OPCML: variants seen among roughly 807,000 people sequenced by gnomAD.
The protein encoded by OPCML is opioid-binding protein/cell adhesion molecule.
A neutral mutation model predicts 37.8 loss-of-function variants in OPCML; 13 were observed. The observed-to-expected ratio is 0.34, with a 90% CI of 0.22 to 0.55. The LOEUF is 0.55. OPCML is among the 20% of genes least tolerant of loss of function. OPCML has a pLI of 0.91. For synonymous variants in OPCML, 176 were observed against 168.8 expected (o/e 1.04, Z -0.33); for missense variants, 341 against 435.6 (o/e 0.78, Z 1.93).
In OPCML at chr11:132,417,285, T is replaced by C. The variant is rs1164649280; in HGVS notation, c.*2908A>G. ...TGACAGCCACTCTCCCATGAAGCCATCCCCACCAAAGAAACACAAAAACAC... is the reference window on the plus strand; with the variant it reads ...TGACAGCCACTCTCCCATGAAGCCACCCCCACCAAAGAAACACAAAAACAC... On this transcript the variant is annotated 3_prime_UTR_variant, in exon 8 of 8. Coordinates refer to ENST00000524381, the MANE Select transcript of OPCML (RefSeq NM_001012393.5). The C allele has an allele frequency of 6.6e-6, 1 of 152,180 alleles. No homozygotes were observed. Among genetic ancestry groups the C allele is most frequent in the African/African-American group, 2.4e-5 (1 of 41,432 alleles). The allele number at this position is 152,180 out of a possible 1,614,324, so 9.4% of individuals were successfully genotyped here. A position where few individuals can be genotyped will look rare whatever the true frequency, so the allele number is the denominator to read the frequency against.
intron 1 of OPCML, among the ~76,000 whole-genome samples, chr11:133,280,429 T>C (rs538803431): frequency 6.6e-6 from 1 of 152,312 alleles, no homozygotes; most frequent in African/African-American, 2.4e-5. Context: ...AGATCTTCTG[T>C]CACCTCAGCT....
chr11:132,935,749 A>G (rs1406929099), intron 2 of OPCML, among the ~76,000 whole-genome samples: 1 of 152,198 alleles, frequency 6.6e-6, no homozygotes, highest in Non-Finnish European at 1.5e-5. Context: ...TAAAATGTGA[A>G]TACAAGGATG....
At chr11:133,054,195 C>CT (rs1948181024) in intron 1 of OPCML, among the ~76,000 whole-genome samples, 1 of 151,954 alleles carries the variant, frequency 6.6e-6, no homozygotes, top group Non-Finnish European at 1.5e-5. Flanking sequence ...ACTGGCCCTG[C>CT]TCTCATCATG....
intron 3 of OPCML, among the ~76,000 whole-genome samples, chr11:132,647,756 T>A (rs1476030209): frequency 6.6e-6 from 1 of 152,104 alleles, no homozygotes; most frequent in African/African-American, 2.4e-5. Context: ...CACATATAAG[T>A]GGAACTGCAT....
rs547755963 is a variant in OPCML at position 133,478,883 on chromosome 11, C to A, written c.61+53381G>T. Among the ~76,000 whole-genome samples the A allele has an allele frequency of 1.5e-3, 228 of 151,896 alleles. 1 individual carries two copies. Among genetic ancestry groups the A allele is most frequent in the Middle Eastern group, 6.8e-3 (2 of 294 alleles). ...TGCTACTCACCCTGGAGCTGTGGCACCTGAGGCACCAGAGTTAAATAAAGA... is the reference window on the plus strand; with the variant it reads ...TGCTACTCACCCTGGAGCTGTGGCAACTGAGGCACCAGAGTTAAATAAAGA... On this transcript the variant is annotated intron_variant, in intron 1 of 7. Coordinates refer to ENST00000524381, the MANE Select transcript of OPCML (RefSeq NM_001012393.5).
At chr11:133,448,118 A>G (rs956067630) in intron 1 of OPCML, among the ~76,000 whole-genome samples, 78 of 152,204 alleles carry the variant, frequency 5.1e-4, no homozygotes, top group African/African-American at 1.8e-3. Flanking sequence ...GCATAACCCA[A>G]GATCACAAAG....
At chr11:132,905,819 G>A (rs1262305818) in intron 2 of OPCML, among the ~76,000 whole-genome samples, 2 of 152,030 alleles carry the variant, frequency 1.3e-5, no homozygotes, top group Non-Finnish European at 2.9e-5. Context: ...CTGTATAATG[G>A]GAATAATACC....
intron 1 of OPCML, among the ~76,000 whole-genome samples, chr11:133,052,715 C>G (rs561593297): frequency 3.1e-4 from 47 of 152,264 alleles, no homozygotes; most frequent in African/African-American, 1.1e-3. Flanking sequence ...TGGCCAAAGT[C>G]AAGCAATGAG....
intron 4 of OPCML, among the ~76,000 whole-genome samples, chr11:132,452,287 C>A (rs996659234): frequency 6.6e-6 from 1 of 152,080 alleles, no homozygotes; most frequent in African/African-American, 2.4e-5. Context: ...AGTCTAGGCT[C>A]ACGGAGGTGG....
At chr11:132,520,139 A>G (rs2137239678) in intron 4 of OPCML, among the ~76,000 whole-genome samples, 1 of 152,328 alleles carries the variant, frequency 6.6e-6, no homozygotes, top group Admixed American at 6.5e-5. Context: ...AGGCAAGGCA[A>G]GAGTATGGGT....
chr11:133,421,898 T>G (rs994362914), intron 1 of OPCML: 1 of 517,930 alleles, frequency 1.9e-6, no homozygotes, highest in African/African-American at 2.1e-5. Flanking sequence ...CAATAATTAT[T>G]GTCAGTTTAA....
At chr11:133,349,119 C>T (rs914219705) in intron 1 of OPCML, among the ~76,000 whole-genome samples, 10 of 152,190 alleles carry the variant, frequency 6.6e-5, no homozygotes, top group African/African-American at 2.4e-4. Flanking sequence ...TGCATGGTAA[C>T]CACTCAGTAA....
At chr11:133,104,529 T>C (rs1949129837) in intron 1 of OPCML, among the ~76,000 whole-genome samples, 2 of 152,256 alleles carry the variant, frequency 1.3e-5, no homozygotes, top group South Asian at 4.1e-4. Flanking sequence ...ATTCTGCCTG[T>C]CTATGCTTTG....
intron 2 of OPCML, among the ~76,000 whole-genome samples, chr11:132,907,623 CTG>C (rs1297192392): frequency 7.4e-6 from 1 of 135,396 alleles, no homozygotes; most frequent in Non-Finnish European, 1.6e-5. Context: ...GAGCGAAACT[CTG>C]TCTCAAAAAA....
rs1466159846 is a variant in OPCML at position 133,211,692 on chromosome 11, C to T, written c.62-268682G>A. ...CATCTGGGGCCAGGGAGTCATCTGGCTTTGTGGCAACACAGACTGTGTGGA... is the reference window on the plus strand; with the variant it reads ...CATCTGGGGCCAGGGAGTCATCTGGTTTTGTGGCAACACAGACTGTGTGGA... On this transcript the variant is annotated intron_variant, in intron 1 of 7. Coordinates refer to ENST00000524381, the MANE Select transcript of OPCML (RefSeq NM_001012393.5). The surrounding 1 kb of genome is among the most constrained non-coding windows in gnomAD (Gnocchi z 4.1). Among the ~76,000 whole-genome samples, 1 of 152,194 alleles carries T rather than the reference C, an allele frequency of 6.6e-6. No homozygotes were observed. Among genetic ancestry groups the T allele is most frequent in the Non-Finnish European group, 1.5e-5 (1 of 68,038 alleles).
rs1220780791 is a variant in OPCML at position 132,416,192 on chromosome 11, T to A, written c.*4001A>T. On this transcript the variant is annotated 3_prime_UTR_variant, in exon 8 of 8. Transcript: ENST00000524381. ...CAAAGGGATTGACAATTTGCTTTTGTGTGTGTGTTGGTCTGTTTCATTTTG... is the reference window on the plus strand; with the variant it reads ...CAAAGGGATTGACAATTTGCTTTTGAGTGTGTGTTGGTCTGTTTCATTTTG... 6.6e-6 allele frequency: 1 copy of A among 152,208 alleles called. No individual in the cohort carries two copies. The highest frequency in any genetic ancestry group is 1.9e-4 in the East Asian group (1 of 5,198). 9.4% of individuals were successfully genotyped at this position (152,208 alleles called of 1,614,324 possible).
At chr11:133,134,756 T>G (rs1302230293) in intron 1 of OPCML, among the ~76,000 whole-genome samples, 1 of 152,114 alleles carries the variant, frequency 6.6e-6, no homozygotes, top group Admixed American at 6.6e-5. Flanking sequence ...GACCACCAGG[T>G]GGTGCTGTTC....
At chr11:132,738,271 T>C (rs1371845078) in intron 2 of OPCML, among the ~76,000 whole-genome samples, 1 of 152,212 alleles carries the variant, frequency 6.6e-6, no homozygotes. Context: ...ACCCTTTTAA[T>C]TGTATAATGT....
chr11:132,440,438 C>T (rs768474108), intron 4 of OPCML, among the ~76,000 whole-genome samples: 3 of 152,034 alleles, frequency 2.0e-5, no homozygotes, highest in African/African-American at 4.8e-5. Context: ...ATGGCTGGGC[C>T]GGGGCCCCCA....
Sources: gnomAD v4.1 joint callset for allele counts (sites outside exome capture counted in the v4.1 genomes callset) on GRCh38, gnomAD v4.1.1 for gene constraint, Gnocchi (gnomAD v3.1) non-coding constraint, MANE v1.5 for transcripts, NCBI Gene and HGNC (gene_info 2026-07-23, HGNC 2026-07-21) for gene names.